The following DHRS4 variants were observed in gnomAD, a reference collection of about 807,000 sequenced individuals.
The protein encoded by DHRS4 is dehydrogenase/reductase SDR family member 4.
Under a neutral mutation model 28.4 loss-of-function variants are expected in DHRS4, and 20 were observed. The ratio of observed to expected loss-of-function variants is 0.71; its 90% CI spans 0.50 to 1.02. DHRS4 has a LOEUF of 1.02. DHRS4 is among the 50% of genes least tolerant of loss of function. DHRS4 has a pLI of 0.00. For synonymous variants in DHRS4, 144 were observed against 146.4 expected, an observed-to-expected ratio of 0.98 and a Z score of 0.12; for missense variants, 378 against 367.2, an observed-to-expected ratio of 1.03 and a Z score of -0.24.
At chr14:23,961,219 T>C (rs1451861837) in intron 3 of DHRS4, among the ~76,000 whole-genome samples, 1 of 150,458 alleles carries the variant, frequency 6.6e-6, no homozygotes, top group Non-Finnish European at 1.5e-5. Context: ...CAAAATACTA[T>C]GATTTATTTA....
chr14:23,967,154 T>TAAAAAG (rs1296348700), intron 6 of DHRS4, 57 bp from the exon 7 acceptor site: 133 of 1,558,852 alleles, frequency 8.5e-5, no homozygotes, highest in African/African-American at 1.4e-4. Context: ...ACTCCGTCTC[T>TAAAAAG]AAAAAGAAAA....
At chr14:23,956,248 G>A (rs1459274540) in intron 2 of DHRS4, among the ~76,000 whole-genome samples, 1 of 152,234 alleles carries the variant, frequency 6.6e-6, no homozygotes, top group East Asian at 1.9e-4. Context: ...TCCTGATGGT[G>A]GAAGGAGCCG....
rs148510671 is a variant in DHRS4, at chr14:23,958,421, G to A, written c.307-1481G>A. 8.0e-3 allele frequency among the ~76,000 whole-genome samples: 1,218 copies of A among 152,242 alleles called. 15 individuals are homozygous for A. The highest frequency in any genetic ancestry group is 0.026 in the African/African-American group (1,088 of 41,534). ...TCAAAATTGCCAGTTCCGGGCAAAC[G>A]GAAAGTCTGGTTTCAGGGTGGCTTT... On this transcript the variant is annotated intron_variant, in intron 2 of 7. Transcript: ENST00000313250.
intron 5 of DHRS4, 27 bp from the exon 6 acceptor site, chr14:23,966,256 G>C: frequency 2.5e-6 from 4 of 1,600,850 alleles, no homozygotes; most frequent in Non-Finnish European, 3.4e-6. Context: ...GAAACTATGA[G>C]TCTAACACAT....
rs768515810 is a variant in DHRS4 at position 23,966,386 on chromosome 14, C to A, written c.635C>A (p.Pro212His). 2 of 1,614,028 alleles carry A rather than the reference C, an allele frequency of 1.2e-6. No homozygotes were observed. Among genetic ancestry groups the A allele is most frequent in the Non-Finnish European group, 1.7e-6 (2 of 1,180,014 alleles). ...AACATTAGGGTGAACTGCCTAGCAC[C>A]TGGACTTATCAAGACTAGCTTCAGC... is the stretch of plus-strand genomic sequence containing the variant. The part of the protein sequence containing the change: ...PRNIRVNCLA[P>H]GLIKTSFSRM... The change falls in exon 6 of 8, where the codon CCT (proline) becomes CAT (histidine). Residue 212 changes from proline to histidine, a missense_variant. Coordinates refer to ENST00000313250, the MANE Select transcript of DHRS4 (RefSeq NM_021004.4).
chr14:23,957,427 A>C (rs1453552628), intron 2 of DHRS4, among the ~76,000 whole-genome samples: 1 of 152,046 alleles, frequency 6.6e-6, no homozygotes, highest in Admixed American at 6.6e-5. Context: ...AGTGGAAACC[A>C]GAGTAGCTGC....
chr14:23,960,067 C>G, intron 3 of DHRS4, 64 bp downstream of exon 3: 1 of 1,492,448 alleles, frequency 6.7e-7, no homozygotes, highest in Non-Finnish European at 9.3e-7. Context: ...GCACAAACTC[C>G]ATCTGCTTTT....
At chr14:23,954,136 C>T (rs1245917833) in intron 1 of DHRS4, 13 of 669,438 alleles carry the variant, frequency 1.9e-5, no homozygotes, top group African/African-American at 1.5e-4. Context: ...TCTGGCACAA[C>T]TGTGCCACCT....
rs2033334628 is a variant in DHRS4 at position 23,959,816 on chromosome 14, G to A, written c.307-86G>A. 4.2e-5 allele frequency: 63 copies of A among 1,490,822 alleles called. 1 individual carries two copies. Among genetic ancestry groups the A allele is most frequent in the Non-Finnish European group, 5.9e-5 (63 of 1,074,982 alleles). 92.3% of individuals were successfully genotyped at this position (1,490,822 alleles called of 1,614,324 possible). A position where few individuals can be genotyped will look rare whatever the true frequency, so the allele number is the denominator to read the frequency against. ...TTACAGGCATGAGCCACAGCTCCTTGCCCAGAAGGAAGTTTTTATCAACAT... is the reference window on the plus strand; with the variant it reads ...TTACAGGCATGAGCCACAGCTCCTTACCCAGAAGGAAGTTTTTATCAACAT... On this transcript the variant is annotated intron_variant, in intron 2 of 7. Coordinates refer to ENST00000313250, the MANE Select transcript of DHRS4 (RefSeq NM_021004.4).
chr14:23,957,124 G>A (rs2033208584), intron 2 of DHRS4, among the ~76,000 whole-genome samples: 1 of 152,136 alleles, frequency 6.6e-6, no homozygotes, highest in Non-Finnish European at 1.5e-5. Flanking sequence ...CAGGTTTAGA[G>A]CAGTGGCGGT....
chr14:23,967,035 A>G (rs956848854), intron 6 of DHRS4, among the ~76,000 whole-genome samples, 176 bp from the exon 7 acceptor site: 5 of 151,996 alleles, frequency 3.3e-5, no homozygotes, highest in Admixed American at 1.3e-4. Context: ...AGCGCCTGTA[A>G]TCCCAGCTAC....
At chr14:23,954,174 CCA>C in intron 1 of DHRS4, 1 of 504,974 alleles carries the variant, frequency 2.0e-6, no homozygotes. Context: ...TCTAGTCTCC[CCA>C]GTGTTCTGGG....
chr14:23,965,725 T>A, intron 3 of DHRS4, 37 bp from the exon 4 acceptor site: 1 of 1,546,848 alleles, frequency 6.5e-7, no homozygotes, highest in Non-Finnish European at 8.9e-7. Flanking sequence ...CCAGTGCTCT[T>A]CACTCATGCT....
intron 3 of DHRS4, 139 bp from the exon 4 acceptor site, chr14:23,965,623 T>A: frequency 1.3e-6 from 1 of 752,652 alleles, no homozygotes; most frequent in East Asian, 2.8e-5. Context: ...TTCCTTCATG[T>A]GTAAGATGCA....
intron 2 of DHRS4, among the ~76,000 whole-genome samples, chr14:23,956,855 G>A (rs138446061): frequency 0.018 from 2,743 of 152,090 alleles, 91 homozygotes; most frequent in African/African-American, 0.063. Context: ...CCACCCCCTC[G>A]GCCTCCCAAT....
Position 23,964,860 on chromosome 14 carries a change from A to G in DHRS4, c.409-902A>G, listed in dbSNP as rs984384852. 5.8e-4 allele frequency among the ~76,000 whole-genome samples: 85 copies of G among 147,460 alleles called. 1 individual carries two copies. Among genetic ancestry groups the G allele is most frequent in the African/African-American group, 2.1e-3 (84 of 40,414 alleles). On this transcript the variant is annotated intron_variant, in intron 3 of 7. Coordinates refer to ENST00000313250, the MANE Select transcript of DHRS4 (RefSeq NM_021004.4). Reference sequence around the variant, plus strand: ...CCGAAGTGCAGGGATTGCAGGCATGAGCCACCATGCCCAGCCCTGAGTTTG... The same window carrying G: ...CCGAAGTGCAGGGATTGCAGGCATGGGCCACCATGCCCAGCCCTGAGTTTG...
rs2033747070 is a variant in DHRS4 at position 23,968,855 on chromosome 14, CCCCG to C, written c.822_825del (p.Ser276AlafsTer70). The C allele has an allele frequency of 6.2e-7, 1 of 1,607,288 alleles. No individual in the cohort carries two copies. Among genetic ancestry groups the C allele is most frequent in the African/African-American group, 1.3e-5 (1 of 74,620 alleles). ...GAAACAGTGGTGGTGGGTGGAGGAA[CCCCG>C]TCCCGCCTCTGAGGACCGGGAGACA... On this transcript the variant is annotated frameshift_variant, in exon 8 of 8. Transcript: ENST00000313250. LOFTEE classifies it high-confidence loss of function.
chr14:23,967,525 T>G lies in DHRS4; in HGVS notation c.722+259T>G, dbSNP rs2033676971. On this transcript the variant is annotated intron_variant, in intron 7 of 7. Coordinates refer to ENST00000313250, the MANE Select transcript of DHRS4 (RefSeq NM_021004.4). ...AGAAGCCCTGAGTCCTCTCTCCACC[T>G]GGGGGATTGCCTCCACCTCTGAGCA... The G allele has an allele frequency of 8.5e-6, 6 of 707,988 alleles. No homozygotes were observed. In the Admixed American group the frequency reaches 1.2e-4, roughly 15 times the overall value. The allele number at this position is 707,988 out of a possible 1,614,324, so 43.9% of individuals were successfully genotyped here.
At chr14:23,955,311 T>G (rs969747774) in intron 2 of DHRS4, 99 bp downstream of exon 2, 1 of 1,462,762 alleles carries the variant, frequency 6.8e-7, no homozygotes, top group African/African-American at 1.4e-5. Context: ...ATTTTTACTG[T>G]GTGCCTTTCT....
Sources: gnomAD v4.1 joint callset for allele counts (sites outside exome capture counted in the v4.1 genomes callset) on GRCh38, gnomAD v4.1.1 for gene constraint, MANE v1.5 for transcripts, NCBI Gene and HGNC (gene_info 2026-07-23, HGNC 2026-07-21) for gene names.